Variants in FHIT observed in about 807,000 individuals in gnomAD.
FHIT encodes fragile histidine triad diadenosine triphosphatase, also known as bis(5'-adenosyl)-triphosphatase.
A neutral mutation model predicts 17.9 loss-of-function variants in FHIT; 19 were observed. The ratio of observed to expected loss-of-function variants is 1.06; its 90% CI spans 0.74 to 1.56. The LOEUF is 1.56. Ranked by LOEUF, FHIT falls within the 40% of genes most tolerant of loss-of-function variation. The probability of loss-of-function intolerance (pLI) is 0.00; values close to 1 mark genes in which losing one functional copy is unlikely to be tolerated. For missense variants in FHIT, 248 were observed against 189.2 expected, an observed-to-expected ratio of 1.31 and a Z score of -1.82; for synonymous variants, 81 against 69.7, an observed-to-expected ratio of 1.16 and a Z score of -0.81.
At chr3:60,683,538 T>TA (rs1480636238) in intron 4 of FHIT, among the ~76,000 whole-genome samples, 1 of 151,878 alleles carries the variant, frequency 6.6e-6, no homozygotes, top group East Asian at 1.9e-4. Flanking sequence ...CATATTTTTT[T>TA]ATAATGCTAT....
At chr3:61,107,848 T>C (rs1412333941) in intron 2 of FHIT, among the ~76,000 whole-genome samples, 2 of 152,158 alleles carry the variant, frequency 1.3e-5, no homozygotes, top group African/African-American at 4.8e-5. Context: ...AACAGCTGGA[T>C]TGGTTGCAGC....
chr3:59,996,967 A>G (rs962775136), intron 7 of FHIT, among the ~76,000 whole-genome samples: 9 of 152,130 alleles, frequency 5.9e-5, no homozygotes, highest in Middle Eastern at 3.2e-3. Context: ...CCTTCTGACC[A>G]TTTCACATTC....
intron 2 of FHIT, among the ~76,000 whole-genome samples, chr3:61,111,943 C>A (rs937892727): frequency 1.3e-5 from 2 of 152,182 alleles, no homozygotes; most frequent in Non-Finnish European, 2.9e-5. Context: ...GCACTCAGTA[C>A]TTGCCAGCCT....
intron 5 of FHIT, among the ~76,000 whole-genome samples, chr3:60,092,297 A>G (rs1452433115): frequency 1.3e-5 from 2 of 152,176 alleles, no homozygotes; most frequent in African/African-American, 4.8e-5. Context: ...TGATTACATA[A>G]AGATCTACAG....
intron 2 of FHIT, among the ~76,000 whole-genome samples, chr3:61,044,164 T>C (rs912233003): frequency 2.0e-5 from 3 of 152,176 alleles, no homozygotes; most frequent in African/African-American, 2.4e-5. Flanking sequence ...CTTCAGACGA[T>C]TGTTAGTAAC....
intron 3 of FHIT, among the ~76,000 whole-genome samples, chr3:61,040,008 GAA>G (rs1254623510): frequency 1.3e-5 from 2 of 152,166 alleles, no homozygotes; most frequent in African/African-American, 4.8e-5. Context: ...AAGAGCATCA[GAA>G]TGAAATAAGT....
chr3:60,616,391 G>C (rs1334347733), intron 4 of FHIT, among the ~76,000 whole-genome samples: 2 of 152,134 alleles, frequency 1.3e-5, no homozygotes, highest in Non-Finnish European at 2.9e-5. Flanking sequence ...GTGCACAGGT[G>C]TGCTGAAAGT....
intron 5 of FHIT, among the ~76,000 whole-genome samples, chr3:60,121,707 CAA>C (rs764037002): frequency 1.6e-5 from 1 of 62,276 alleles, no homozygotes; most frequent in Non-Finnish European, 3.2e-5. Flanking sequence ...ACAAACAAAA[CAA>C]ACACACACAC....
intron 5 of FHIT, among the ~76,000 whole-genome samples, chr3:60,445,026 G>A (rs1027780210): frequency 6.6e-5 from 10 of 152,046 alleles, no homozygotes; most frequent in Middle Eastern, 3.2e-3. Context: ...TCTTGATGGG[G>A]CACTATGGCC....
At position 60,798,106 on chromosome 3, in the gene FHIT, GC is replaced by G. The variant is rs1163405478; in HGVS notation, c.-18+23812del. On this transcript the variant is annotated intron_variant, in intron 4 of 9. Coordinates refer to ENST00000492590, the MANE Select transcript of FHIT (RefSeq NM_002012.4). ...GTTACAACGACTCTTCTCTGTCACT[GC>G]CCTAGCACAAAAGGAATCACAGACA... Among the ~76,000 whole-genome samples the G allele has an allele frequency of 2.0e-5, 3 of 152,138 alleles. No homozygotes were observed. The East Asian group carries it at 5.8e-4, about 29-fold the overall frequency.
At chr3:59,862,332 C>T (rs1354043925) in intron 8 of FHIT, among the ~76,000 whole-genome samples, 1 of 152,218 alleles carries the variant, frequency 6.6e-6, no homozygotes, top group African/African-American at 2.4e-5. Context: ...GAAAAACCCG[C>T]TCCCATGATT....
chr3:59,953,391 T>C (rs1166913226), intron 7 of FHIT, among the ~76,000 whole-genome samples: 1 of 152,126 alleles, frequency 6.6e-6, no homozygotes, highest in Non-Finnish European at 1.5e-5. Flanking sequence ...ACACATTTCT[T>C]GAGGTGTAGG....
At chr3:59,871,734 G>A (rs1702933803) in intron 8 of FHIT, among the ~76,000 whole-genome samples, 1 of 152,172 alleles carries the variant, frequency 6.6e-6, no homozygotes, top group African/African-American at 2.4e-5. Flanking sequence ...GGATACCCTT[G>A]GATAGATTCC....
intron 3 of FHIT, among the ~76,000 whole-genome samples, chr3:60,969,818 A>T (rs1709919219): frequency 6.6e-6 from 1 of 152,138 alleles, no homozygotes; most frequent in African/African-American, 2.4e-5. Flanking sequence ...ACATAAGATT[A>T]AGTTTGTTAC....
At chr3:60,814,713 G>T (rs1005880970) in intron 4 of FHIT, among the ~76,000 whole-genome samples, 17 of 152,000 alleles carry the variant, frequency 1.1e-4, no homozygotes, top group Admixed American at 1.1e-3. Context: ...TTTTCTTTTG[G>T]ATCTATACAC....
chr3:60,145,385 T>TG (rs978708703), intron 5 of FHIT, among the ~76,000 whole-genome samples: 2 of 152,128 alleles, frequency 1.3e-5, no homozygotes, highest in African/African-American at 2.4e-5. Context: ...TACAGTGGCG[T>TG]GGGGGGCACA....
intron 5 of FHIT, among the ~76,000 whole-genome samples, chr3:60,185,534 T>C (rs577565481): frequency 6.6e-6 from 1 of 152,342 alleles, no homozygotes; most frequent in East Asian, 1.9e-4. Flanking sequence ...AAGGACATTT[T>C]GGTTGTTTCC....
At chr3:61,135,016 G>A (rs1055041131) in intron 2 of FHIT, among the ~76,000 whole-genome samples, 1 of 152,096 alleles carries the variant, frequency 6.6e-6, no homozygotes, top group African/African-American at 2.4e-5. Context: ...GAAAAGTAGG[G>A]GCTAGAGGTG....
chr3:60,589,214 T>C (rs1022233679), intron 4 of FHIT, among the ~76,000 whole-genome samples: 2 of 152,048 alleles, frequency 1.3e-5, no homozygotes, highest in Non-Finnish European at 2.9e-5. Context: ...AAGCACAAGG[T>C]AATAAGCACA....
Sources: allele counts gnomAD v4.1 joint callset (sites outside exome capture counted in the v4.1 genomes callset), GRCh38; gene constraint gnomAD v4.1.1; transcripts MANE v1.5; gene names NCBI Gene and HGNC (gene_info 2026-07-23, HGNC 2026-07-21).